MYLK: variants seen among roughly 807,000 people sequenced by gnomAD.
The protein encoded by MYLK is myosin light chain kinase, also known as myosin light chain kinase, smooth muscle.
Under a neutral mutation model 203.4 loss-of-function variants are expected in MYLK, and 106 were observed. The ratio of observed to expected loss-of-function variants is 0.52; its 90% CI spans 0.45 to 0.61. MYLK has a LOEUF of 0.61. Among genes scored for constraint, MYLK ranks in the 20% least tolerant of loss-of-function variants. The probability of loss-of-function intolerance (pLI) is 0.00; values close to 1 mark genes in which losing one functional copy is unlikely to be tolerated. For synonymous variants in MYLK, 867 were observed against 959.5 expected, an observed-to-expected ratio of 0.90 and a Z score of 1.78; for missense variants, 2,072 against 2,442.3, an observed-to-expected ratio of 0.85 and a Z score of 3.20.
intron 2 of MYLK, among the ~76,000 whole-genome samples, chr3:123,856,195 T>C (rs573097709): frequency 6.6e-6 from 1 of 152,308 alleles, no homozygotes; most frequent in East Asian, 1.9e-4. Flanking sequence ...TTCAGTAGTT[T>C]TTCTTCCTCT....
chr3:123,622,144 C>G (rs1372992443), intron 31 of MYLK: 1 of 152,356 alleles, frequency 6.6e-6, no homozygotes, highest in African/African-American at 2.4e-5. Context: ...AATGTCAGAC[C>G]AGCCTGCTTC....
At chr3:123,620,564 T>C (rs749176614) in intron 31 of MYLK, 40 of 1,375,108 alleles carry the variant, frequency 2.9e-5, no homozygotes, top group African/African-American at 4.4e-5. Context: ...CTGGAACTGA[T>C]GTGTGCGTTA....
In MYLK at chr3:123,611,337, C is replaced by A. The variant is rs913617643; in HGVS notation, c.*2768G>T. The A allele has an allele frequency of 3.9e-5, 6 of 152,118 alleles. No individual in the cohort carries two copies. The highest frequency in any genetic ancestry group is 8.8e-5 in the Non-Finnish European group (6 of 68,030). The allele number at this position is 152,118 out of a possible 1,614,324, so 9.4% of individuals were successfully genotyped here. A position where few individuals can be genotyped will look rare whatever the true frequency, so the allele number is the denominator to read the frequency against. ...AGCAGGACTGGTAGTTTCCTGATAA[C>A]AAATTCTTCAATATGAAGGTATGGA... On this transcript the variant is annotated 3_prime_UTR_variant, in exon 34 of 34. Transcript: ENST00000360304.
chr3:123,881,718 A>G (rs1209468189), intron 1 of MYLK, among the ~76,000 whole-genome samples: 1 of 152,124 alleles, frequency 6.6e-6, no homozygotes, highest in Non-Finnish European at 1.5e-5. Context: ...CTCATCTTAT[A>G]TTTTGAGGAT....
chr3:123,673,671 A>G (rs968203879), intron 20 of MYLK, among the ~76,000 whole-genome samples: 1 of 152,194 alleles, frequency 6.6e-6, no homozygotes, highest in African/African-American at 2.4e-5. Context: ...TCCCTGGCTC[A>G]CTAACTAGTT....
intron 29 of MYLK, among the ~76,000 whole-genome samples, chr3:123,632,881 T>G (rs1211723512): frequency 4.0e-5 from 6 of 150,732 alleles, no homozygotes; most frequent in Non-Finnish European, 8.8e-5. Flanking sequence ...CTCAGCTCAC[T>G]GAACCTCTGG....
At chr3:123,686,080 C>T (rs544585893) in intron 19 of MYLK, among the ~76,000 whole-genome samples, 1 of 152,196 alleles carries the variant, frequency 6.6e-6, no homozygotes, top group African/African-American at 2.4e-5. Flanking sequence ...CTAATCAAAA[C>T]CAGCTTTGTG....
chr3:123,737,449 A>G lies in MYLK; in HGVS notation c.683T>C (p.Val228Ala). Residue 228 changes from valine to alanine, a missense_variant, in exon 8 of 34, where the codon GTG becomes GCG. Val to Ala is a moderately conservative substitution (Grantham distance 64). Coordinates refer to ENST00000360304, the MANE Select transcript of MYLK (RefSeq NM_053025.4). ...CACCACCAGGCACGTGTACACTCCC[A>G]CGTCATCTTGGTTGACTCCATGGAT... ...LEIHGVNQDD[V>A]GVYTCLVVNG... 4 of 1,614,178 alleles carry G rather than the reference A, an allele frequency of 2.5e-6. No individual in the cohort carries two copies. Among genetic ancestry groups the G allele is most frequent in the Middle Eastern group, 1.6e-4 (1 of 6,062 alleles).
intron 29 of MYLK, among the ~76,000 whole-genome samples, chr3:123,630,290 G>A (rs992733993): frequency 3.3e-5 from 5 of 152,160 alleles, no homozygotes; most frequent in African/African-American, 1.2e-4. Context: ...CCTGATCTGT[G>A]TCAGTTTTCT....
intron 3 of MYLK, among the ~76,000 whole-genome samples, chr3:123,816,998 G>A (rs941349433): frequency 3.3e-5 from 5 of 152,210 alleles, no homozygotes; most frequent in East Asian, 3.9e-4. Flanking sequence ...GGAATGCTGT[G>A]CAGATTTAAT....
chr3:123,825,762 G>A (rs766364563), intron 3 of MYLK, among the ~76,000 whole-genome samples: 2 of 152,174 alleles, frequency 1.3e-5, no homozygotes, highest in Non-Finnish European at 2.9e-5. Flanking sequence ...CCAGTTGCAT[G>A]GGCCCAAGAT....
In MYLK at chr3:123,709,707, C is replaced by G. The variant is rs542124367; in HGVS notation, c.1942+49G>C. 1.1e-4 allele frequency: 181 copies of G among 1,611,474 alleles called. 3 individuals carry two copies. The South Asian group carries it at 1.9e-3, about 17-fold the overall frequency. ...CCTCGGAGAGCAATACCCATTGCAA[C>G]CAAGACCATTTTCATGTTAATCCCC... On this transcript the variant is annotated intron_variant, in intron 14 of 33. Transcript: ENST00000360304.
rs1463706995 is a variant in MYLK at position 123,612,861 on chromosome 3, G to T, written c.*1244C>A. 1 of 152,618 alleles carries T rather than the reference G, an allele frequency of 6.6e-6. No homozygotes were observed. Among genetic ancestry groups the T allele is most frequent in the Non-Finnish European group, 1.5e-5 (1 of 68,034 alleles). 9.5% of individuals were successfully genotyped at this position (152,618 alleles called of 1,614,324 possible). On this transcript the variant is annotated 3_prime_UTR_variant, in exon 34 of 34. Transcript: ENST00000360304. ...TGTTACACACACACACAGAGGAAAT[G>T]TATTAGGTCTATCATCAATTATGGT...
chr3:123,801,085 A>G (rs1429668357), intron 3 of MYLK, among the ~76,000 whole-genome samples: 1 of 152,210 alleles, frequency 6.6e-6, no homozygotes, highest in African/African-American at 2.4e-5. Flanking sequence ...CTTTTTGCAA[A>G]TTAATGTCTG....
chr3:123,636,159 C>T (rs555711354), intron 29 of MYLK, among the ~76,000 whole-genome samples: 1 of 152,306 alleles, frequency 6.6e-6, no homozygotes, highest in South Asian at 2.1e-4. Context: ...TGCTCTGTCA[C>T]TGACCAGTAG....
intron 5 of MYLK, among the ~76,000 whole-genome samples, chr3:123,747,401 G>T (rs2063053140): frequency 6.6e-6 from 1 of 152,194 alleles, no homozygotes; most frequent in Non-Finnish European, 1.5e-5. Flanking sequence ...AGGGGTGGCT[G>T]GGGGTAGGGA....
At chr3:123,810,592 G>A (rs1333027102) in intron 3 of MYLK, among the ~76,000 whole-genome samples, 2 of 152,206 alleles carry the variant, frequency 1.3e-5, no homozygotes, top group Non-Finnish European at 2.9e-5. Context: ...TGCCAGTCAT[G>A]TCTCTTCTAG....
At chr3:123,641,291 G>A (rs776295505) in intron 27 of MYLK, among the ~76,000 whole-genome samples, 11 of 152,174 alleles carry the variant, frequency 7.2e-5, no homozygotes, top group African/African-American at 9.6e-5. Context: ...TGGCCCCACC[G>A]CCTGAGTTGC....
chr3:123,657,547 G>T, intron 23 of MYLK, 119 bp from the exon 24 acceptor site: 1 of 956,276 alleles, frequency 1.0e-6, no homozygotes, highest in Non-Finnish European at 1.6e-6. Flanking sequence ...AAAGTCCCTG[G>T]TCCTGCGTCT....
Sources: gnomAD v4.1 joint callset for allele counts (sites outside exome capture counted in the v4.1 genomes callset) on GRCh38, gnomAD v4.1.1 for gene constraint, MANE v1.5 for transcripts, NCBI Gene and HGNC (gene_info 2026-07-23, HGNC 2026-07-21) for gene names.